The following ATP6V1H variants were observed in gnomAD, a reference collection of about 807,000 sequenced individuals.
ATP6V1H encodes the protein V-type proton ATPase subunit H.
ATP6V1H carries 39 observed loss-of-function variants against 71.7 expected under a neutral mutation model. The ratio of observed to expected loss-of-function variants is 0.54; its 90% CI spans 0.42 to 0.71. ATP6V1H has a LOEUF of 0.71. Ranked by LOEUF, ATP6V1H falls within the 30% of genes least tolerant of loss-of-function variation. ATP6V1H has a pLI of 0.00. For missense variants in ATP6V1H, 509 were observed against 594.9 expected (o/e 0.86, Z 1.50); for synonymous variants, 192 against 199.3 (o/e 0.96, Z 0.31).
Position 53,743,905 on chromosome 8 carries a change from G to A in ATP6V1H, c.1278-215C>T, listed in dbSNP as rs185884478. ...ATTCCTAATGATAAATCCAACAGTT[G>A]TTCTCATTTCTCATCTCTAATCCAG... On this transcript the variant is annotated intron_variant, in intron 12 of 13. Transcript: ENST00000359530. Among the ~76,000 whole-genome samples the A allele has an allele frequency of 2.1e-3, 315 of 152,206 alleles. 1 individual carries two copies. The highest frequency in any genetic ancestry group is 7.2e-3 in the African/African-American group (299 of 41,538).
intron 9 of ATP6V1H, among the ~76,000 whole-genome samples, chr8:53,775,272 T>C (rs1344923432): frequency 6.6e-6 from 1 of 152,162 alleles, no homozygotes; most frequent in Non-Finnish European, 1.5e-5. Flanking sequence ...TTACAGCTCA[T>C]AAAACCAGTG....
chr8:53,750,587 A>G (rs1211967531), intron 12 of ATP6V1H, among the ~76,000 whole-genome samples: 1 of 152,242 alleles, frequency 6.6e-6, no homozygotes, highest in African/African-American at 2.4e-5. Context: ...TCAGTGGACC[A>G]GCAAAACATT....
intron 9 of ATP6V1H, among the ~76,000 whole-genome samples, chr8:53,779,935 G>C (rs1436449170): frequency 6.6e-6 from 1 of 152,066 alleles, no homozygotes; most frequent in East Asian, 1.9e-4. Context: ...AAGGCAGGCG[G>C]ATCACCTGAA....
chr8:53,838,698 A>G (rs537878217), intron 2 of ATP6V1H, among the ~76,000 whole-genome samples: 7 of 152,204 alleles, frequency 4.6e-5, no homozygotes, highest in Non-Finnish European at 1.0e-4. Flanking sequence ...ACACAGCCAT[A>G]CCCATTCATT....
intron 6 of ATP6V1H, among the ~76,000 whole-genome samples, chr8:53,813,164 A>C (rs1810339388): frequency 6.6e-6 from 1 of 152,220 alleles, no homozygotes. Context: ...TGTTTTTGAA[A>C]TATCTCACAA....
chr8:53,749,743 T>TAAA (rs200663259), intron 12 of ATP6V1H, among the ~76,000 whole-genome samples: 4 of 137,750 alleles, frequency 2.9e-5, no homozygotes, highest in Non-Finnish European at 3.2e-5. Context: ...CAGACTCCTT[T>TAAA]AAAAAAAAAA....
intron 9 of ATP6V1H, among the ~76,000 whole-genome samples, chr8:53,784,461 A>C (rs1458503479): frequency 6.6e-6 from 1 of 152,142 alleles, no homozygotes; most frequent in Non-Finnish European, 1.5e-5. Context: ...TCCTGAATAC[A>C]GCACACTGAT....
chr8:53,801,404 G>A (rs897831880), intron 8 of ATP6V1H, among the ~76,000 whole-genome samples: 1 of 152,150 alleles, frequency 6.6e-6, no homozygotes, highest in African/African-American at 2.4e-5. Flanking sequence ...TTCTATACCT[G>A]CAAATTAGGA....
intron 9 of ATP6V1H, among the ~76,000 whole-genome samples, chr8:53,783,134 T>G (rs1172857215): frequency 1.3e-5 from 2 of 152,146 alleles, no homozygotes; most frequent in Admixed American, 6.5e-5. Context: ...CTCCTCCTTG[T>G]ACCTCTGGTA....
chr8:53,799,931 G>A (rs1809855702), intron 8 of ATP6V1H, among the ~76,000 whole-genome samples: 1 of 152,224 alleles, frequency 6.6e-6, no homozygotes, highest in African/African-American at 2.4e-5. Flanking sequence ...AATGTGAGAA[G>A]TAAGTTTCCA....
rs148412815 is a variant in ATP6V1H, at chr8:53,752,490, G to C, written c.1277+4065C>G. ...CATTCCTGCCAAATGATAATAGTAA[G>C]TTAGCATTTTCTAATTCAGTAGCAA... On this transcript the variant is annotated intron_variant, in intron 12 of 13. Coordinates refer to ENST00000359530, the MANE Select transcript of ATP6V1H (RefSeq NM_015941.4). Among the ~76,000 whole-genome samples, 335 of 152,296 alleles carry C rather than the reference G, an allele frequency of 2.2e-3. 2 individuals carry two copies. The highest frequency in any genetic ancestry group is 7.8e-3 in the African/African-American group (324 of 41,560).
chr8:53,764,239 A>G (rs1414432649), intron 11 of ATP6V1H, among the ~76,000 whole-genome samples: 1 of 152,242 alleles, frequency 6.6e-6, no homozygotes, highest in Non-Finnish European at 1.5e-5. Context: ...GGAAATTTAC[A>G]GAGCACTATC....
At position 53,801,875 on chromosome 8, in the gene ATP6V1H, C is replaced by T. The variant is rs755280307; in HGVS notation, c.601G>A (p.Val201Met). ...SSDSSQYVQCVAGCLQLMLRV... is the reference protein window; with the variant it reads ...SSDSSQYVQCMAGCLQLMLRV... ...AGCATCAGCTGCAAACACCCGGCCA[C>T]GCACTGCACATACTGCGAACTCTGC... The change falls in exon 8 of 14, where the codon GTG becomes ATG. Residue 201 changes from valine (V) to methionine (M), a missense_variant. Around this residue, in one of 2 missense-constraint regions of ATP6V1H, gnomAD observed 297 missense variants for 303.3 expected, o/e 0.98. Transcript: ENST00000359530. 13 of 1,613,724 alleles carry T rather than the reference C, an allele frequency of 8.1e-6. No homozygotes were observed. Among genetic ancestry groups the T allele is most frequent in the Admixed American group, 6.7e-5 (4 of 59,976 alleles).
intron 13 of ATP6V1H, among the ~76,000 whole-genome samples, chr8:53,724,777 A>T (rs1230049342): frequency 6.6e-6 from 1 of 151,934 alleles, no homozygotes; most frequent in Admixed American, 6.6e-5. Context: ...TTTCTGTTAC[A>T]TCATTAGATG....
intron 13 of ATP6V1H, among the ~76,000 whole-genome samples, chr8:53,738,244 C>A (rs1807296053): frequency 6.6e-6 from 1 of 150,430 alleles, no homozygotes; most frequent in Non-Finnish European, 1.5e-5. Context: ...TTGCAGTGAG[C>A]CAAGATCACG....
chr8:53,780,250 ATTC>A (rs1194549012), intron 9 of ATP6V1H, among the ~76,000 whole-genome samples: 1 of 151,946 alleles, frequency 6.6e-6, no homozygotes, highest in Non-Finnish European at 1.5e-5. Context: ...ACCCTATGGT[ATTC>A]TTCTAAAACC....
intron 2 of ATP6V1H, among the ~76,000 whole-genome samples, chr8:53,833,517 G>A (rs111509777): frequency 0.011 from 1,646 of 150,092 alleles, 20 homozygotes; most frequent in Non-Finnish European, 0.019. Context: ...GAATTTCTAC[G>A]ACCATTTTTC....
intron 5 of ATP6V1H, among the ~76,000 whole-genome samples, 156 bp downstream of exon 5, chr8:53,817,261 G>A (rs1276335014): frequency 6.6e-6 from 1 of 151,506 alleles, no homozygotes; most frequent in African/African-American, 2.4e-5. Flanking sequence ...AATCCAGCTG[G>A]GTGCAGTGGC....
intron 13 of ATP6V1H, among the ~76,000 whole-genome samples, chr8:53,726,956 C>G (rs1806832621): frequency 6.6e-6 from 1 of 152,242 alleles, no homozygotes; most frequent in African/African-American, 2.4e-5. Context: ...GAGGAAAACA[C>G]TTATTCGGCA....
Sources: allele counts gnomAD v4.1 joint callset (sites outside exome capture counted in the v4.1 genomes callset), GRCh38; gene constraint gnomAD v4.1.1; regional missense constraint gnomAD v4.1.1; transcripts MANE v1.5; gene names NCBI Gene and HGNC (gene_info 2026-07-23, HGNC 2026-07-21).